Variants in PLOD2 observed in about 807,000 individuals in gnomAD.
PLOD2 encodes lysine hydroxylase 2.
In PLOD2, 65 loss-of-function variants were observed where a neutral mutation model predicts 101.0. The observed-to-expected ratio is 0.64, with a 90% confidence interval of 0.53 to 0.79. The LOEUF (loss-of-function observed/expected upper bound fraction) is 0.79. PLOD2 is among the 30% of genes least tolerant of loss of function. The pLI is 0.00. For synonymous variants in PLOD2, 314 were observed against 302.9 expected, an observed-to-expected ratio of 1.04 and a Z score of -0.38; for missense variants, 909 against 914.6, an observed-to-expected ratio of 0.99 and a Z score of 0.08.
chr3:146,096,893 TCGGC>T (rs1937196891), intron 7 of PLOD2, among the ~76,000 whole-genome samples: 2 of 49,496 alleles, frequency 4.0e-5, no homozygotes, highest in East Asian at 6.8e-4. Flanking sequence ...GGGGGGGGAG[TCGGC>T]CAGCCGCCCC....
chr3:146,103,411 G>A (rs566294928), intron 6 of PLOD2, among the ~76,000 whole-genome samples: 2 of 151,732 alleles, frequency 1.3e-5, no homozygotes, highest in Admixed American at 6.6e-5. Flanking sequence ...CAGAGCCATC[G>A]TCTTAAAATT....
At chr3:146,115,192 G>A (rs769594361) in intron 3 of PLOD2, among the ~76,000 whole-genome samples, 1 of 152,180 alleles carries the variant, frequency 6.6e-6, no homozygotes, top group Non-Finnish European at 1.5e-5. Flanking sequence ...GAAATATTGG[G>A]GGTGGTTCCC....
intron 15 of PLOD2, chr3:146,073,645 C>G (rs1399562830): frequency 5.9e-6 from 1 of 169,058 alleles, no homozygotes; most frequent in African/African-American, 2.4e-5. Flanking sequence ...CTCCTTGACT[C>G]ACGATGGGGT....
rs937958173 is a variant in PLOD2 at position 146,124,084 on chromosome 3, A to G, written c.201+54T>C. On this transcript the variant is annotated intron_variant, in intron 2 of 19. Coordinates refer to ENST00000282903, the MANE Select transcript of PLOD2 (RefSeq NM_182943.3). ...ACAGATTGTACTGCTGTTATGAAAAACATACTTTAGGCACACATTATAGGA... is the reference window on the plus strand; with the variant it reads ...ACAGATTGTACTGCTGTTATGAAAAGCATACTTTAGGCACACATTATAGGA... The G allele has an allele frequency of 4.3e-6, 4 of 921,088 alleles. No homozygotes were observed. In the Admixed American group the frequency reaches 6.8e-5, roughly 16 times the overall value. The allele number at this position is 921,088 out of a possible 1,614,324, so 57.1% of individuals were successfully genotyped here. A position where few individuals can be genotyped will look rare whatever the true frequency, so the allele number is the denominator to read the frequency against.
intron 15 of PLOD2, among the ~76,000 whole-genome samples, chr3:146,075,505 A>G (rs866472781): frequency 8.0e-5 from 12 of 150,426 alleles, no homozygotes; most frequent in Admixed American, 4.7e-4. Context: ...AAAAAAAAAA[A>G]AAGAAGAAGA....
At chr3:146,128,629 T>C (rs916440767) in intron 1 of PLOD2, among the ~76,000 whole-genome samples, 2 of 151,818 alleles carry the variant, frequency 1.3e-5, no homozygotes, top group African/African-American at 4.8e-5. Flanking sequence ...TCCCCAAAAA[T>C]CAAGAAGTCA....
chr3:146,077,888 T>C lies in PLOD2; in HGVS notation c.1537A>G (p.Thr513Ala). The C allele has an allele frequency of 6.2e-7, 1 of 1,601,036 alleles. No homozygotes were observed. Residue 513 changes from threonine to alanine, a missense_variant, in exon 14 of 20, where the codon ACA becomes GCA. Thr to Ala is a moderately conservative substitution (Grantham distance 58). Coordinates refer to ENST00000282903, the MANE Select transcript of PLOD2 (RefSeq NM_182943.3). ...TTTGGGGGGCTGAGCATTTGGAATG[T>C]TTCCGGAGTAGGGGAGTCTTTTTCC... ...QREKDSPTPETFQMLSPPKGV... is the reference protein window; with the variant it reads ...QREKDSPTPEAFQMLSPPKGV...
At chr3:146,100,642 T>G (rs1937353834) in intron 7 of PLOD2, among the ~76,000 whole-genome samples, 1 of 152,194 alleles carries the variant, frequency 6.6e-6, no homozygotes. Context: ...ATGAAACTTC[T>G]GCAAAGTTGA....
chr3:146,147,670 G>A (rs73148981), intron 1 of PLOD2, among the ~76,000 whole-genome samples: 13,443 of 152,146 alleles, frequency 0.088, 761 homozygotes, highest in South Asian at 0.14. Context: ...ATTCCAGGGG[G>A]GACAAAACCA....
intron 1 of PLOD2, among the ~76,000 whole-genome samples, chr3:146,139,142 G>GT (rs2031397261): frequency 6.6e-6 from 1 of 152,102 alleles, no homozygotes; most frequent in Admixed American, 6.6e-5. Context: ...AGTAAAGGAG[G>GT]TAAAAAGTCA....
chr3:146,123,692 G>A (rs1576612789), intron 2 of PLOD2, among the ~76,000 whole-genome samples: 2 of 151,820 alleles, frequency 1.3e-5, no homozygotes, highest in Non-Finnish European at 1.5e-5. Context: ...TATTTACATT[G>A]TATTTGTACA....
chr3:146,152,291 G>C (rs535047844), intron 1 of PLOD2, among the ~76,000 whole-genome samples: 102 of 152,042 alleles, frequency 6.7e-4, no homozygotes, highest in Non-Finnish European at 1.2e-3. Context: ...GTGGTGGCAC[G>C]CACCTGTAAT....
chr3:146,102,636 T>C (rs1937429035), intron 7 of PLOD2, 119 bp downstream of exon 7: 1 of 654,940 alleles, frequency 1.5e-6, no homozygotes, highest in African/African-American at 1.8e-5. Context: ...GAAGTCTTTA[T>C]TTTAGCACCA....
At chr3:146,157,430 G>A (rs902366694) in intron 1 of PLOD2, among the ~76,000 whole-genome samples, 3 of 152,190 alleles carry the variant, frequency 2.0e-5, no homozygotes, top group Non-Finnish European at 2.9e-5. Flanking sequence ...TTTCCTAGGA[G>A]CTAGACTTAA....
At position 146,073,341 on chromosome 3, in the gene PLOD2, T is replaced by C; in HGVS notation, c.1689A>G (p.Glu563=). The change falls in exon 16 of 20, where the codon GAA becomes GAG. Residue 563 remains glutamate, a synonymous_variant. Coordinates refer to ENST00000282903, the MANE Select transcript of PLOD2 (RefSeq NM_182943.3). ...QIFENPVDWK[E]KYINRDYSKI... ...TTGAATAATCACGGTTTATATACTT[T>C]TCCTTCCAGTCCTATAAAAAGAAGT... is the stretch of plus-strand genomic sequence containing the variant. 8.4e-7 allele frequency: 1 copy of C among 1,186,970 alleles called. No homozygotes were observed. Among genetic ancestry groups the C allele is most frequent in the Non-Finnish European group, 1.2e-6 (1 of 815,192 alleles). 73.5% of individuals were successfully genotyped at this position (1,186,970 alleles called of 1,614,324 possible). A position where few individuals can be genotyped will look rare whatever the true frequency, so the allele number is the denominator to read the frequency against.
At position 146,069,916 on chromosome 3, in the gene PLOD2, A is replaced by C. The variant is rs548428300; in HGVS notation, c.*801T>G. On this transcript the variant is annotated 3_prime_UTR_variant, in exon 20 of 20. Transcript: ENST00000282903. ...TTCTAAAAAAGGAAACAAAGCAAAA[A>C]CAACAACAAAAAAAACCTGTTTGAC... 1 of 152,224 alleles carries C rather than the reference A, an allele frequency of 6.6e-6. No individual in the cohort carries two copies. The highest frequency in any genetic ancestry group is 1.5e-5 in the Non-Finnish European group (1 of 67,860). 9.4% of individuals were successfully genotyped at this position (152,224 alleles called of 1,614,324 possible).
intron 1 of PLOD2, among the ~76,000 whole-genome samples, chr3:146,152,880 T>C (rs2032126235): frequency 6.6e-6 from 1 of 152,244 alleles, no homozygotes; most frequent in African/African-American, 2.4e-5. Flanking sequence ...TTTTCCAGTG[T>C]GAGGTTTTGT....
chr3:146,142,689 C>A (rs1407545976), intron 1 of PLOD2, among the ~76,000 whole-genome samples: 1 of 152,070 alleles, frequency 6.6e-6, no homozygotes, highest in Non-Finnish European at 1.5e-5. Flanking sequence ...AAAGTTTAAG[C>A]ACACAAATAT....
At chr3:146,085,466 T>C in intron 10 of PLOD2, 193 bp from the exon 11 acceptor site, 8 of 567,406 alleles carry the variant, frequency 1.4e-5, no homozygotes, top group Non-Finnish European at 3.1e-6. Context: ...AACACGGATA[T>C]TCACAGGGAG....
Sources: gnomAD v4.1 joint callset for allele counts (sites outside exome capture counted in the v4.1 genomes callset) on GRCh38, gnomAD v4.1.1 for gene constraint, MANE v1.5 for transcripts, NCBI Gene and HGNC (gene_info 2026-07-23, HGNC 2026-07-21) for gene names.